Variants in MEGF6 observed in about 807,000 individuals in gnomAD.
The protein encoded by MEGF6 is multiple epidermal growth factor-like domains protein 6.
Under a neutral mutation model 207.1 loss-of-function variants are expected in MEGF6, and 184 were observed. The ratio of observed to expected loss-of-function variants is 0.89; its 90% CI spans 0.79 to 1.00. The LOEUF (loss-of-function observed/expected upper bound fraction) is 1.00. Among genes scored for constraint, MEGF6 ranks in the 50% least tolerant of loss-of-function variants. MEGF6 has a pLI of 0.00. For missense variants in MEGF6, 2,282 were observed against 2,202.9 expected, an observed-to-expected ratio of 1.04 and a Z score of -0.72; for synonymous variants, 1,038 against 910.0, an observed-to-expected ratio of 1.14 and a Z score of -2.53.
chr1:3,552,014 T>A (rs1217970499), intron 4 of MEGF6, among the ~76,000 whole-genome samples: 1 of 152,070 alleles, frequency 6.6e-6, no homozygotes, highest in Non-Finnish European at 1.5e-5. Flanking sequence ...TGTCCCCAAG[T>A]CAACGTTACC....
chr1:3,570,272 A>C (rs957511047), intron 4 of MEGF6, among the ~76,000 whole-genome samples: 1 of 152,234 alleles, frequency 6.6e-6, no homozygotes, highest in Non-Finnish European at 1.5e-5. Flanking sequence ...CCTGGGACTG[A>C]GGCCAGTGAA....
chr1:3,591,806 A>G (rs11589783), intron 3 of MEGF6, among the ~76,000 whole-genome samples: 2 of 23,510 alleles, frequency 8.5e-5, no homozygotes, highest in African/African-American at 1.6e-4. Flanking sequence ...GGATGGGGGC[A>G]CCAGCGAGGG....
upstream of MEGF6, among the ~76,000 whole-genome samples, chr1:3,616,206 T>G (rs182487091): frequency 5.9e-5 from 9 of 152,280 alleles, no homozygotes; most frequent in African/African-American, 2.2e-4. Flanking sequence ...CTTCCAGAGC[T>G]GAGAGTCCCA....
rs989629608 is a variant in MEGF6 at position 3,594,852 on chromosome 1, G to A, written c.376+486C>T. On this transcript the variant is annotated intron_variant, in intron 3 of 36. Transcript: ENST00000356575. The surrounding 1 kb of genome is among the most constrained non-coding windows in gnomAD (Gnocchi z 4.2). ...TCTCCAATTGTGCTGGCTACATAAC[G>A]GAGAGAGGAAGGAGCGGCTCCCTTA... 2.0e-5 allele frequency among the ~76,000 whole-genome samples: 3 copies of A among 152,180 alleles called. No homozygotes were observed. The highest frequency in any genetic ancestry group is 2.9e-5 in the Non-Finnish European group (2 of 68,036).
intron 17 of MEGF6, 107 bp downstream of exon 17, chr1:3,505,101 G>T (rs1355467179): frequency 6.8e-7 from 1 of 1,466,316 alleles, no homozygotes; most frequent in Non-Finnish European, 9.2e-7. Context: ...GGCAAAGGGG[G>T]CCGATAGTGA....
the MEGF6 span, chr1:3,623,535 C>G: frequency 6.6e-6 from 1 of 152,338 alleles, no homozygotes; most frequent in East Asian, 1.9e-4. Context: ...CAGTGGGCAC[C>G]CTTGCCGGGG....
chr1:3,499,830 G>C lies in MEGF6; in HGVS notation c.2802C>G (p.Cys934Trp). 6.4e-7 allele frequency: 1 copy of C among 1,553,450 alleles called. No individual in the cohort carries two copies. Among genetic ancestry groups the C allele is most frequent in the Non-Finnish European group, 8.7e-7 (1 of 1,149,276 alleles). ...AGAAGGTGCCCCTCCAGCCGGCCGGGCAGGTGCAGGCCCCGCTGACGTGGT... is the reference window on the plus strand; with the variant it reads ...AGAAGGTGCCCCTCCAGCCGGCCGGCCAGGTGCAGGCCCCGCTGACGTGGT... ...ACDHVSGACT[C>W]PAGWRGTFCE... Residue 934 changes from cysteine to tryptophan, a missense_variant, in exon 22 of 37, where the codon TGC becomes TGG. Physicochemically the swap from Cys to Trp is radical, Grantham distance 215. Transcript: ENST00000356575.
chr1:3,512,093 C>G lies in MEGF6; in HGVS notation c.889G>C (p.Ala297Pro). ...DECAAGLAQCAHGCLNTQGSF... is the reference protein window; with the variant it reads ...DECAAGLAQCPHGCLNTQGSF... The stretch of plus-strand genomic sequence containing the variant: ...CCCTGGGTGTTGAGGCAGCCATGGG[C>G]ACACTGGGCCAGCCCTGCGGCACAT... The change falls in exon 8 of 37, where the codon GCC becomes CCC. Residue 297 changes from alanine (A) to proline (P), a missense_variant. Coordinates refer to ENST00000356575, the MANE Select transcript of MEGF6 (RefSeq NM_001409.4). 2.5e-6 allele frequency: 4 copies of G among 1,611,836 alleles called. No homozygotes were observed. The highest frequency in any genetic ancestry group is 3.4e-6 in the Non-Finnish European group (4 of 1,179,306).
rs1478634066 is a variant in MEGF6 at position 3,602,483 on chromosome 1, G to A, written c.249C>T (p.Cys83=). 7.4e-6 allele frequency: 12 copies of A among 1,613,170 alleles called. No homozygotes were observed. The highest frequency in any genetic ancestry group is 3.3e-5 in the South Asian group (3 of 91,076). Reference sequence around the variant, plus strand: ...GCACTTACCTCCGCTCATGACCCACGCACCACGCCTGCCACCCACAGCCGG... The same window carrying A: ...GCACTTACCTCCGCTCATGACCCACACACCACGCCTGCCACCCACAGCCGG... ...WKAGCGWQAW[C]VGHERRTVYY... The change falls in exon 2 of 37, where the codon TGC becomes TGT. Residue 83 remains cysteine, a synonymous_variant. Transcript: ENST00000356575.
chr1:3,622,216 G>A, the MEGF6 span, among the ~76,000 whole-genome samples: 1 of 152,134 alleles, frequency 6.6e-6, no homozygotes. Flanking sequence ...CCCACATGTC[G>A]AGGGAGGGAC....
At chr1:3,538,695 C>CGTGTGTGTGTGT (rs1330145759) in intron 4 of MEGF6, among the ~76,000 whole-genome samples, 2 of 95,464 alleles carry the variant, frequency 2.1e-5, no homozygotes, top group African/African-American at 9.4e-5. Context: ...AGAGCATGTG[C>CGTGTGTGTGTGT]CTGTGTGTGT....
In MEGF6 at chr1:3,499,902, C is replaced by A. The variant is rs61747874; in HGVS notation, c.2730G>T (p.Gly910=). The A allele has an allele frequency of 1.3e-6, 2 of 1,561,672 alleles. No homozygotes were observed. Among genetic ancestry groups the A allele is most frequent in the Non-Finnish European group, 1.7e-6 (2 of 1,153,962 alleles). ...ACTGGCACCGCTGCTCACAGCCGGG[C>A]CCAAAGTGGCCCTGGGGACACTCTG... ...CEQQCPQGHF[G]PGCEQRCQCQ... The change falls in exon 22 of 37, where the codon GGG becomes GGT. Residue 910 remains glycine, a synonymous_variant. Coordinates refer to ENST00000356575, the MANE Select transcript of MEGF6 (RefSeq NM_001409.4).
At chr1:3,602,256 A>G (rs1644171845) in intron 2 of MEGF6, among the ~76,000 whole-genome samples, 1 of 152,172 alleles carries the variant, frequency 6.6e-6, no homozygotes, top group Non-Finnish European at 1.5e-5. Context: ...TCGGCTAAAC[A>G]GGAGAGGGCT....
intron 4 of MEGF6, among the ~76,000 whole-genome samples, chr1:3,550,065 G>C (rs869698): frequency 2.6e-5 from 4 of 152,274 alleles, no homozygotes; most frequent in Admixed American, 6.5e-5. Flanking sequence ...TGAGGGGAAG[G>C]CTCCATGCCC....
At chr1:3,568,066 G>A (rs979555396) in intron 4 of MEGF6, among the ~76,000 whole-genome samples, 4 of 152,298 alleles carry the variant, frequency 2.6e-5, no homozygotes, top group East Asian at 1.9e-4. Flanking sequence ...GAGGCCTGGC[G>A]TGCAGGATCG....
chr1:3,495,714 C>T (rs1470685856), intron 30 of MEGF6, among the ~76,000 whole-genome samples, 176 bp downstream of exon 30: 3 of 152,192 alleles, frequency 2.0e-5, no homozygotes, highest in Admixed American at 6.5e-5. Flanking sequence ...AGCAGGGCAG[C>T]GTAGTCAACA....
intron 12 of MEGF6, 122 bp downstream of exon 12, chr1:3,508,953 C>T: frequency 8.2e-7 from 1 of 1,219,804 alleles, no homozygotes; most frequent in Non-Finnish European, 1.1e-6. Context: ...CTTGGTCTAA[C>T]ATGGCATTGC....
chr1:3,515,655 C>T (rs562575375), intron 5 of MEGF6, 128 bp from the exon 6 acceptor site: 14 of 1,123,550 alleles, frequency 1.2e-5, no homozygotes, highest in Admixed American at 4.6e-5. Flanking sequence ...CCAGCCACTC[C>T]GAGCCCCTCC....
rs1640275099 is a variant in MEGF6 at position 3,489,705 on chromosome 1, C to G, written c.*823G>C. Among the ~76,000 whole-genome samples, 1 of 152,218 alleles carries G rather than the reference C, an allele frequency of 6.6e-6. No individual in the cohort carries two copies. Among genetic ancestry groups the G allele is most frequent in the East Asian group, 1.9e-4 (1 of 5,196 alleles). The stretch of plus-strand genomic sequence containing the variant: ...GCCATTCTCTGGGAACAGCCAGTCT[C>G]TGGGTCTCAGCGGTAATGAATGCAG... On this transcript the variant is annotated 3_prime_UTR_variant, in exon 37 of 37. Transcript: ENST00000356575.
Sources: gnomAD v4.1 joint callset for allele counts (sites outside exome capture counted in the v4.1 genomes callset) on GRCh38, gnomAD v4.1.1 for gene constraint, Gnocchi (gnomAD v3.1) non-coding constraint, MANE v1.5 for transcripts, NCBI Gene and HGNC (gene_info 2026-07-23, HGNC 2026-07-21) for gene names.